Variants in CUX1 observed in about 807,000 individuals in gnomAD.
The protein encoded by CUX1 is protein CASP.
A neutral mutation model predicts 158.8 loss-of-function variants in CUX1; 31 were observed. The ratio of observed to expected loss-of-function variants is 0.20; its 90% CI spans 0.15 to 0.26. The LOEUF is 0.26. Among genes scored for constraint, CUX1 ranks in the 10% least tolerant of loss-of-function variants. CUX1 has a pLI of 1.00. For synonymous variants in CUX1, 879 were observed against 862.1 expected, an observed-to-expected ratio of 1.02 and a Z score of -0.34; for missense variants, 1,589 against 2,014.6, an observed-to-expected ratio of 0.79 and a Z score of 4.04.
chr7:102,068,236 T>G (rs1825760821), intron 3 of CUX1, among the ~76,000 whole-genome samples: 1 of 148,260 alleles, frequency 6.7e-6, no homozygotes, highest in Non-Finnish European at 1.5e-5. Flanking sequence ...GTATTACAGG[T>G]GCATTGCCAC....
intron 22 of CUX1, chr7:102,282,868 T>A: frequency 1.3e-6 from 1 of 779,814 alleles, no homozygotes; most frequent in Non-Finnish European, 1.9e-6. Flanking sequence ...TGTCCCCCAC[T>A]CCTTAGCCCT....
intron 1 of CUX1, among the ~76,000 whole-genome samples, chr7:101,852,433 C>G (rs1796359945): frequency 6.6e-6 from 1 of 151,704 alleles, no homozygotes; most frequent in African/African-American, 2.4e-5. Flanking sequence ...ACCTGGGCAA[C>G]ATGGCAAAAC....
At chr7:102,054,960 G>A (rs1181278789) in intron 3 of CUX1, among the ~76,000 whole-genome samples, 1 of 150,842 alleles carries the variant, frequency 6.6e-6, no homozygotes, top group African/African-American at 2.4e-5. Flanking sequence ...GACAGAGTGA[G>A]ACCCTGTCTC....
chr7:101,894,390 T>G (rs1801234228), intron 1 of CUX1, among the ~76,000 whole-genome samples: 1 of 152,246 alleles, frequency 6.6e-6, no homozygotes, highest in South Asian at 2.1e-4. Context: ...CTCGGCTCAC[T>G]GCAAGCTCCG....
intron 9 of CUX1, among the ~76,000 whole-genome samples, chr7:102,166,021 G>A (rs1274625641): frequency 7.2e-5 from 11 of 152,190 alleles, no homozygotes; most frequent in Non-Finnish European, 1.2e-4. Flanking sequence ...CCAGCTAAGA[G>A]TAATTTCCCC....
chr7:102,002,605 G>A (rs1366245942), intron 2 of CUX1, among the ~76,000 whole-genome samples: 7 of 152,186 alleles, frequency 4.6e-5, no homozygotes, highest in Non-Finnish European at 8.8e-5. Flanking sequence ...CCTTGCTGTT[G>A]GACCACAGTC....
intron 3 of CUX1, among the ~76,000 whole-genome samples, chr7:102,047,159 G>A (rs188986357): frequency 4.8e-4 from 73 of 152,272 alleles, no homozygotes; most frequent in Non-Finnish European, 7.1e-4. Context: ...GAATGTAGCC[G>A]TTGCCTTCAT....
chr7:102,256,432 T>A lies in CUX1; in HGVS notation c.*7390T>A, dbSNP rs1252523120. On this transcript the variant is annotated 3_prime_UTR_variant, in exon 24 of 24. Coordinates refer to ENST00000292535, the MANE Select transcript of CUX1 (RefSeq NM_181552.4). ...TCATAAATGCTTTTTGCTGTCACTC[T>A]AGTGGTTACTATCCTCTGCCTTCCT... is the stretch of plus-strand genomic sequence containing the variant. The A allele has an allele frequency of 3.0e-6, 3 of 985,358 alleles. No homozygotes were observed. The highest frequency in any genetic ancestry group is 1.7e-5 in the African/African-American group (1 of 57,246). The allele number at this position is 985,358 out of a possible 1,614,324, so 61.0% of individuals were successfully genotyped here. A position where few individuals can be genotyped will look rare whatever the true frequency, so the allele number is the denominator to read the frequency against.
intron 1 of CUX1, among the ~76,000 whole-genome samples, chr7:101,910,467 C>G (rs1365019805): frequency 3.9e-5 from 6 of 151,974 alleles, no homozygotes; most frequent in Non-Finnish European, 4.4e-5. Flanking sequence ...TAAAGGTGAA[C>G]AAATCCAAGC....
chr7:102,250,264 G>C lies in CUX1; in HGVS notation c.*1222G>C. 2 of 985,408 alleles carry C rather than the reference G, an allele frequency of 2.0e-6. No homozygotes were observed. The highest frequency in any genetic ancestry group is 2.4e-6 in the Non-Finnish European group (2 of 829,964). The allele number at this position is 985,408 out of a possible 1,614,324, so 61.0% of individuals were successfully genotyped here. On this transcript the variant is annotated 3_prime_UTR_variant, in exon 24 of 24. Transcript: ENST00000292535. ...GCACGTGTGCAAGCATTGAAAGAAA[G>C]GAGAGAGTAGTCCGGGCGAGCACAG...
intron 2 of CUX1, among the ~76,000 whole-genome samples, chr7:102,020,661 C>T (rs994507078): frequency 1.3e-5 from 2 of 152,156 alleles, no homozygotes; most frequent in African/African-American, 4.8e-5. Context: ...AGGTGGATCC[C>T]TTGAGGTCAG....
chr7:102,016,013 C>T (rs370037), intron 2 of CUX1, among the ~76,000 whole-genome samples: 1 of 152,042 alleles, frequency 6.6e-6, no homozygotes. Context: ...TGGGATCTTG[C>T]TCTGTTGCCC....
At chr7:102,136,447 A>G (rs1335467165) in intron 8 of CUX1, among the ~76,000 whole-genome samples, 18 of 151,316 alleles carry the variant, frequency 1.2e-4, no homozygotes, top group Non-Finnish European at 2.4e-4. Context: ...GCTGGAGTGC[A>G]GTGGCACGAT....
chr7:102,185,623 A>G (rs1171734494), intron 11 of CUX1, among the ~76,000 whole-genome samples: 1 of 143,532 alleles, frequency 7.0e-6, no homozygotes, highest in Non-Finnish European at 1.5e-5. Flanking sequence ...TTTTTTTGGT[A>G]GAGACGGGGT....
intron 8 of CUX1, among the ~76,000 whole-genome samples, chr7:102,157,506 G>A (rs1490453835): frequency 5.3e-5 from 8 of 152,176 alleles, no homozygotes; most frequent in African/African-American, 1.2e-4. Context: ...CAGGCCGGGC[G>A]CGGTGGCTTA....
At chr7:101,886,424 C>A (rs6978555) in intron 1 of CUX1, among the ~76,000 whole-genome samples, 69,092 of 151,920 alleles carry the variant, frequency 0.45, 16,779 homozygotes, top group African/African-American at 0.61. Flanking sequence ...TGGTCTCAAT[C>A]TTCTGGGTTC....
At chr7:102,105,198 C>T (rs1049025552) in intron 6 of CUX1, among the ~76,000 whole-genome samples, 1 of 151,960 alleles carries the variant, frequency 6.6e-6, no homozygotes, top group Non-Finnish European at 1.5e-5. Flanking sequence ...CACACACACA[C>T]ACACACACAC....
chr7:101,825,260 G>A (rs1202318795), intron 1 of CUX1, among the ~76,000 whole-genome samples: 2 of 152,236 alleles, frequency 1.3e-5, no homozygotes, highest in Non-Finnish European at 2.9e-5. Context: ...ATTGAGAGCA[G>A]AGGAGCATGT....
At chr7:101,929,184 T>A (rs1200462547) in intron 2 of CUX1, among the ~76,000 whole-genome samples, 2 of 151,918 alleles carry the variant, frequency 1.3e-5, no homozygotes, top group African/African-American at 2.4e-5. Context: ...TCAAAATAAA[T>A]AAAAATAAAA....
Sources: gnomAD v4.1 joint callset for allele counts (sites outside exome capture counted in the v4.1 genomes callset) on GRCh38, gnomAD v4.1.1 for gene constraint, MANE v1.5 for transcripts, NCBI Gene and HGNC (gene_info 2026-07-23, HGNC 2026-07-21) for gene names.